The following FLACC1 variants were observed in gnomAD, a reference collection of about 807,000 sequenced individuals.
FLACC1 encodes flagellum associated containing coiled-coil domains 1, also known as flagellum-associated coiled-coil domain-containing protein 1.
Under a neutral mutation model 62.8 loss-of-function variants are expected in FLACC1, and 66 were observed. The ratio of observed to expected loss-of-function variants is 1.05; its 90% CI spans 0.86 to 1.29. The LOEUF (loss-of-function observed/expected upper bound fraction) is 1.29, where lower values mean the gene tolerates loss of function less well. Among genes scored for constraint, FLACC1 ranks in the 50% most tolerant of loss-of-function variants. The probability of loss-of-function intolerance (pLI) is 0.00; values close to 1 mark genes in which losing one functional copy is unlikely to be tolerated. For missense variants in FLACC1, 452 were observed against 489.1 expected, an observed-to-expected ratio of 0.92 and a Z score of 0.71; for synonymous variants, 156 against 161.0, an observed-to-expected ratio of 0.97 and a Z score of 0.24.
At chr2:201,362,604 G>C in the FLACC1 span, among the ~76,000 whole-genome samples, 4 of 152,100 alleles carry the variant, frequency 2.6e-5, no homozygotes, top group Non-Finnish European at 5.9e-5. Context: ...CTTTCCACTT[G>C]GGATCCAGGC....
At chr2:201,312,852 C>A (rs1438330052) in intron 9 of FLACC1, among the ~76,000 whole-genome samples, 1 of 152,164 alleles carries the variant, frequency 6.6e-6, no homozygotes, top group African/African-American at 2.4e-5. Flanking sequence ...GTGGATTGCT[C>A]CCGTAGGACC....
At chr2:201,310,545 C>G (rs1017029455) in intron 9 of FLACC1, among the ~76,000 whole-genome samples, 4 of 152,168 alleles carry the variant, frequency 2.6e-5, no homozygotes, top group Non-Finnish European at 4.4e-5. Context: ...TCTCTTAACT[C>G]TCTTCATCTA....
At chr2:201,340,940 C>T (rs1238646037) in intron 7 of FLACC1, among the ~76,000 whole-genome samples, 2 of 152,226 alleles carry the variant, frequency 1.3e-5, no homozygotes, top group South Asian at 4.2e-4. Flanking sequence ...TGACTCCTGG[C>T]CTGCAGGGTT....
chr2:201,290,517 C>T (rs1949709052), intron 12 of FLACC1, among the ~76,000 whole-genome samples: 1 of 152,158 alleles, frequency 6.6e-6, no homozygotes, highest in Non-Finnish European at 1.5e-5. Context: ...GAAGCCTGTG[C>T]AAAGGTCCTT....
chr2:201,309,355 G>T, intron 9 of FLACC1, 105 bp from the exon 10 acceptor site: 1 of 823,180 alleles, frequency 1.2e-6, no homozygotes, highest in Non-Finnish European at 2.1e-6. Flanking sequence ...GCATTGCACA[G>T]TGGCCAGGGC....
chr2:201,311,848 C>T (rs996414637), intron 9 of FLACC1, among the ~76,000 whole-genome samples: 5 of 152,064 alleles, frequency 3.3e-5, no homozygotes, highest in Non-Finnish European at 7.4e-5. Context: ...TCTCAATAGA[C>T]ATGGAAAAAG....
rs543871110 is a variant in FLACC1 at position 201,328,478 on chromosome 2, T to A, written c.675+1992A>T. On this transcript the variant is annotated intron_variant, in intron 9 of 14. Transcript: ENST00000392257. ...TCTTGCTCTGTTGCCCAGGCTAGAG[T>A]GCAGTGGCACGATCTCGGCTCACTG... Among the ~76,000 whole-genome samples, 197 of 152,308 alleles carry A rather than the reference T, an allele frequency of 1.3e-3. 1 individual carries two copies. Among genetic ancestry groups the A allele is most frequent in the African/African-American group, 4.3e-3 (179 of 41,572 alleles).
intron 11 of FLACC1, among the ~76,000 whole-genome samples, chr2:201,301,152 G>A (rs1351034809): frequency 2.6e-5 from 4 of 152,080 alleles, no homozygotes; most frequent in Non-Finnish European, 4.4e-5. Flanking sequence ...GAGGATGTTC[G>A]AACCCATCAC....
intron 9 of FLACC1, among the ~76,000 whole-genome samples, chr2:201,324,391 C>G (rs1950464737): frequency 6.6e-6 from 1 of 152,136 alleles, no homozygotes; most frequent in Non-Finnish European, 1.5e-5. Context: ...ATGAGATAGA[C>G]AGCAACACAG....
chr2:201,311,700 CAA>C (rs34119306), intron 9 of FLACC1, among the ~76,000 whole-genome samples: 15 of 113,346 alleles, frequency 1.3e-4, no homozygotes, highest in Admixed American at 9.7e-5. Context: ...GACACTGACT[CAA>C]AAAAAAAAAA....
intron 9 of FLACC1, 60 bp downstream of exon 9, chr2:201,330,410 A>T: frequency 6.7e-7 from 1 of 1,492,150 alleles, no homozygotes; most frequent in South Asian, 1.2e-5. Flanking sequence ...ATTTATCCCA[A>T]TGTTAGCCAG....
intron 9 of FLACC1, among the ~76,000 whole-genome samples, chr2:201,316,537 A>C (rs1430683905): frequency 6.6e-6 from 1 of 152,164 alleles, no homozygotes; most frequent in Non-Finnish European, 1.5e-5. Flanking sequence ...ACAGACCAAT[A>C]ACAAGCAGTG....
intron 12 of FLACC1, among the ~76,000 whole-genome samples, chr2:201,298,604 T>C (rs997064188): frequency 2.6e-5 from 4 of 152,258 alleles, no homozygotes; most frequent in African/African-American, 9.6e-5. Flanking sequence ...ACAGTCTGTT[T>C]GCCTTTCCAT....
At chr2:201,322,086 T>A (rs945003776) in intron 9 of FLACC1, among the ~76,000 whole-genome samples, 3 of 151,908 alleles carry the variant, frequency 2.0e-5, no homozygotes, top group Non-Finnish European at 4.4e-5. Context: ...CCGGCCAATA[T>A]GGTGAAACCC....
intron 14 of FLACC1, 24 bp downstream of exon 14, chr2:201,289,433 T>C (rs1233745106): frequency 3.1e-6 from 5 of 1,605,294 alleles, no homozygotes; most frequent in East Asian, 4.5e-5. Flanking sequence ...AACTCAGCTA[T>C]GTCTTTTTCA....
chr2:201,332,527 C>T (rs548295386), intron 7 of FLACC1, among the ~76,000 whole-genome samples: 3 of 152,140 alleles, frequency 2.0e-5, no homozygotes, highest in African/African-American at 7.2e-5. Context: ...AGATTACAGG[C>T]GTGAGCCACT....
intron 5 of FLACC1, among the ~76,000 whole-genome samples, chr2:201,345,852 T>C (rs1241526278): frequency 1.3e-5 from 2 of 152,110 alleles, no homozygotes; most frequent in Non-Finnish European, 2.9e-5. Context: ...GGGCATGAGC[T>C]GAGTAGTATT....
rs547594350 is a variant in FLACC1, at chr2:201,304,779, C to T, written c.879+2740G>A. ...AACAGAGCCCTCAAAAATAATACCA[C>T]GCATCTACAACAATCTGATCTTTGA... is the stretch of plus-strand genomic sequence containing the variant. On this transcript the variant is annotated intron_variant, in intron 11 of 14. Transcript: ENST00000392257. Among the ~76,000 whole-genome samples the T allele has an allele frequency of 1.6e-4, 25 of 152,236 alleles. No homozygotes were observed. The East Asian group carries it at 2.3e-3, about 14-fold the overall frequency.
At position 201,307,367 on chromosome 2, in the gene FLACC1, C is replaced by CA. The variant is rs796948120; in HGVS notation, c.879+151dup. 67 of 646,248 alleles carry CA rather than the reference C, an allele frequency of 1.0e-4. No individual in the cohort carries two copies. The African/African-American group carries it at 1.1e-3, about 10-fold the overall frequency. The allele number at this position is 646,248 out of a possible 1,614,324, so 40.0% of individuals were successfully genotyped here. On this transcript the variant is annotated intron_variant, in intron 11 of 14. Transcript: ENST00000392257. ...CCCAGCTAAAGGACAGCAAGACTGT[C>CA]AGTCTATTTGCATACATTTCCAGAA...
Sources: gnomAD v4.1 joint callset for allele counts (sites outside exome capture counted in the v4.1 genomes callset) on GRCh38, gnomAD v4.1.1 for gene constraint, MANE v1.5 for transcripts, NCBI Gene and HGNC (gene_info 2026-07-23, HGNC 2026-07-21) for gene names.